The following PDIA3 variants were observed in gnomAD, a reference collection of about 807,000 sequenced individuals.
The protein encoded by PDIA3 is protein disulfide-isomerase A3.
PDIA3 carries 16 observed loss-of-function variants against 56.9 expected under a neutral mutation model. The observed-to-expected ratio is 0.28, with a 90% CI of 0.19 to 0.43. The LOEUF is 0.43. Ranked by LOEUF, PDIA3 falls within the 20% of genes least tolerant of loss-of-function variation. The pLI, the probability that PDIA3 is intolerant of heterozygous loss-of-function variation, is 1.00. For missense variants in PDIA3, 485 were observed against 621.3 expected, an observed-to-expected ratio of 0.78 and a Z score of 2.33; for synonymous variants, 192 against 216.5, an observed-to-expected ratio of 0.89 and a Z score of 0.99.
chr15:43,765,233 T>C (rs2086840412), intron 5 of PDIA3, among the ~76,000 whole-genome samples: 1 of 151,910 alleles, frequency 6.6e-6, no homozygotes. Flanking sequence ...AAAAATAAAT[T>C]AGTTGTGCAT....
chr15:43,768,656 C>G, intron 9 of PDIA3, 59 bp downstream of exon 9: 1 of 1,147,664 alleles, frequency 8.7e-7, no homozygotes, highest in Non-Finnish European at 1.3e-6. Flanking sequence ...TTTCTTTGTT[C>G]CAAAACTGTG....
chr15:43,746,480 A>G lies in PDIA3; in HGVS notation c.-60A>G. 7.1e-7 allele frequency: 1 copy of G among 1,409,174 alleles called. No individual in the cohort carries two copies. 87.3% of individuals were successfully genotyped at this position (1,409,174 alleles called of 1,614,324 possible). On this transcript the variant is annotated 5_prime_UTR_variant, in exon 1 of 13. Transcript: ENST00000300289. ...CAGCGGGTTAGTGGTCGCGCGCCCG[A>G]CCTCCGCAGTCCCAGCCGAGCCGCG...
chr15:43,772,739 T>C lies in PDIA3; in HGVS notation c.*1521T>C, dbSNP rs1286843083. ...TTTTAACTCTTATCAGAAGTTATTA[T>C]TACTGTTTCCTTAGAGAGGCTACCA... On this transcript the variant is annotated 3_prime_UTR_variant, in exon 13 of 13. Transcript: ENST00000300289. 1 of 163,644 alleles carries C rather than the reference T, an allele frequency of 6.1e-6. No homozygotes were observed. The highest frequency in any genetic ancestry group is 1.3e-5 in the Non-Finnish European group (1 of 75,820). The allele number at this position is 163,644 out of a possible 1,614,324, so 10.1% of individuals were successfully genotyped here.
At chr15:43,765,808 C>A in intron 6 of PDIA3, 79 bp from the exon 7 acceptor site, 4 of 1,409,504 alleles carry the variant, frequency 2.8e-6, no homozygotes, top group Admixed American at 2.0e-5. Flanking sequence ...TTCATAAATG[C>A]TATCAATTAT....
chr15:43,749,786 A>C (rs1032855783), intron 1 of PDIA3, among the ~76,000 whole-genome samples: 1 of 152,108 alleles, frequency 6.6e-6, no homozygotes, highest in Non-Finnish European at 1.5e-5. Flanking sequence ...CTAAAAAATG[A>C]CAAAAATTAA....
At chr15:43,746,828 G>T in intron 1 of PDIA3, 122 bp downstream of exon 1, 1 of 1,130,918 alleles carries the variant, frequency 8.8e-7, no homozygotes, top group Non-Finnish European at 1.3e-6. Context: ...CTGCTGCGGC[G>T]GGCACATTTC....
At chr15:43,756,365 G>C (rs2086778537) in intron 2 of PDIA3, among the ~76,000 whole-genome samples, 1 of 152,170 alleles carries the variant, frequency 6.6e-6, no homozygotes, top group South Asian at 2.1e-4. Flanking sequence ...GAAAAAAGAT[G>C]AAGACCACCG....
chr15:43,757,297 G>A (rs1455215297), intron 3 of PDIA3, among the ~76,000 whole-genome samples: 2 of 152,220 alleles, frequency 1.3e-5, no homozygotes, highest in Non-Finnish European at 2.9e-5. Context: ...GGTGGCTCAC[G>A]CCTGTAATCC....
intron 8 of PDIA3, 84 bp from the exon 9 acceptor site, chr15:43,768,405 A>G (rs1367852721): frequency 5.0e-6 from 5 of 990,922 alleles, no homozygotes; most frequent in East Asian, 2.4e-5. Context: ...GCTAAAATAC[A>G]TAGTAACTAT....
At chr15:43,761,223 C>T (rs1195931132) in intron 3 of PDIA3, among the ~76,000 whole-genome samples, 10 of 124,734 alleles carry the variant, frequency 8.0e-5, no homozygotes, top group Non-Finnish European at 1.6e-4. Context: ...GCCTGGGCGA[C>T]AGAGCGAGAC....
At chr15:43,760,180 T>C (rs1156292134) in intron 3 of PDIA3, among the ~76,000 whole-genome samples, 1 of 151,996 alleles carries the variant, frequency 6.6e-6, no homozygotes, top group African/African-American at 2.4e-5. Flanking sequence ...TGCTTGAGCC[T>C]AGGAGTTGGA....
Position 43,764,958 on chromosome 15 carries a change from C to T in PDIA3, c.603-492C>T, listed in dbSNP as rs147086422. On this transcript the variant is annotated intron_variant, in intron 5 of 12. Transcript: ENST00000300289. ...GTAAACCCTATACCCAATTATTGCA[C>T]TTAAGATTAAGGTGGTTAGCATCTT... 1.1e-4 allele frequency among the ~76,000 whole-genome samples: 17 copies of T among 152,292 alleles called. No individual in the cohort carries two copies. The East Asian group carries it at 3.1e-3, about 28-fold the overall frequency.
At chr15:43,762,957 A>C in intron 4 of PDIA3, 120 bp from the exon 5 acceptor site, 1 of 954,938 alleles carries the variant, frequency 1.0e-6, no homozygotes, top group South Asian at 1.6e-5. Flanking sequence ...ATGGCAAAGC[A>C]GACCCAGTCC....
chr15:43,761,855 T>C (rs1256996372), intron 4 of PDIA3, among the ~76,000 whole-genome samples: 2 of 152,140 alleles, frequency 1.3e-5, no homozygotes, highest in Non-Finnish European at 2.9e-5. Flanking sequence ...GATAGGAATA[T>C]CTTCAGCGTT....
At chr15:43,759,846 G>A (rs1490745829) in intron 3 of PDIA3, among the ~76,000 whole-genome samples, 2 of 152,188 alleles carry the variant, frequency 1.3e-5, no homozygotes, top group East Asian at 3.8e-4. Flanking sequence ...AGCACTTTGG[G>A]AGGTCGAGGT....
intron 3 of PDIA3, among the ~76,000 whole-genome samples, chr15:43,760,164 G>A (rs549883027): frequency 1.3e-5 from 2 of 152,186 alleles, no homozygotes; most frequent in African/African-American, 4.8e-5. Context: ...GCTGAGGCAG[G>A]TGGTTTGCTT....
Position 43,766,712 on chromosome 15 carries a change from C to T in PDIA3, c.846-16C>T, listed in dbSNP as rs575525355. 8.0e-5 allele frequency: 129 copies of T among 1,612,386 alleles called. 3 individuals carry two copies. In the South Asian group the frequency reaches 1.4e-3, roughly 17 times the overall value. ...CCCTGTATAGTCTTGGCACAAATGT[C>T]TCTTGTTTCCCACAGGGTAATGATG... On this transcript the variant is annotated splice_polypyrimidine_tract_variant and intron_variant, in intron 7 of 12. Coordinates refer to ENST00000300289, the MANE Select transcript of PDIA3 (RefSeq NM_005313.5).
At chr15:43,754,825 A>C in intron 2 of PDIA3, among the ~76,000 whole-genome samples, 1 of 151,938 alleles carries the variant, frequency 6.6e-6, no homozygotes, top group East Asian at 1.9e-4. Context: ...AGATACAGGC[A>C]GGCTTCCATA....
At chr15:43,768,383 T>TAA in intron 8 of PDIA3, 106 bp from the exon 9 acceptor site, 1 of 727,446 alleles carries the variant, frequency 1.4e-6, no homozygotes, top group South Asian at 1.8e-5. Flanking sequence ...CCCCCTTTTT[T>TAA]AGCCTTGAAA....
Sources: allele counts gnomAD v4.1 joint callset (sites outside exome capture counted in the v4.1 genomes callset), GRCh38; gene constraint gnomAD v4.1.1; transcripts MANE v1.5; gene names NCBI Gene and HGNC (gene_info 2026-07-23, HGNC 2026-07-21).